Variants in TANC1 observed in about 807,000 individuals in gnomAD.
TANC1 encodes tetratricopeptide repeat, ankyrin repeat and coiled-coil containing 1.
Under a neutral mutation model 149.7 loss-of-function variants are expected in TANC1, and 77 were observed. That is an observed-to-expected ratio of 0.51 (90% CI 0.43 to 0.62). The LOEUF is 0.62. Among genes scored for constraint, TANC1 ranks in the 20% least tolerant of loss-of-function variants. The pLI, the probability that TANC1 is intolerant of heterozygous loss-of-function variation, is 0.00. For missense variants in TANC1, 1,985 were observed against 2,321.8 expected (o/e 0.85, Z 2.98); for synonymous variants, 854 against 925.0 (o/e 0.92, Z 1.39).
chr2:159,157,871 T>C (rs983927067), intron 7 of TANC1, among the ~76,000 whole-genome samples: 14 of 152,352 alleles, frequency 9.2e-5, no homozygotes, highest in African/African-American at 3.4e-4. Flanking sequence ...TGAGCATTCA[T>C]GATGCCTGAG....
At chr2:159,050,731 C>G (rs562204485) in intron 2 of TANC1, among the ~76,000 whole-genome samples, 1 of 152,260 alleles carries the variant, frequency 6.6e-6, no homozygotes, top group Non-Finnish European at 1.5e-5. Flanking sequence ...TCTGCCATTG[C>G]TTTTGTGGTT....
At chr2:158,979,087 T>G (rs1298925929) in intron 1 of TANC1, among the ~76,000 whole-genome samples, 1 of 152,226 alleles carries the variant, frequency 6.6e-6, no homozygotes, top group African/African-American at 2.4e-5. Context: ...CAGATATTAC[T>G]TAAAATCTTG....
rs1332334560 is a variant in TANC1 at position 159,230,485 on chromosome 2, A to C, written c.5059A>C (p.Ser1687Arg). ...AACCAGTAGTTTGACTTCGAGCAGCAGTTTTTCAGATGGCTTCAAGGTCCA... is the reference window on the plus strand; with the variant it reads ...AACCAGTAGTTTGACTTCGAGCAGCCGTTTTTCAGATGGCTTCAAGGTCCA... ...SSTSSLTSSS[S>R]FSDGFKVQGP... is the part of the protein sequence containing the mutation. Residue 1687 changes from serine (S) to arginine (R), a missense_variant, in exon 27 of 27, where the codon AGT becomes CGT. Transcript: ENST00000263635. This position sits in a 1 kb window ranked among gnomAD's most constrained non-coding sequence, Gnocchi z 4.4. The C allele has an allele frequency of 7.4e-6, 12 of 1,614,096 alleles. No homozygotes were observed. The highest frequency in any genetic ancestry group is 9.3e-6 in the Non-Finnish European group (11 of 1,180,060).
chr2:159,102,243 T>G (rs2046794661), intron 4 of TANC1, among the ~76,000 whole-genome samples: 1 of 152,124 alleles, frequency 6.6e-6, no homozygotes, highest in Non-Finnish European at 1.5e-5. Flanking sequence ...TGAGACCACA[T>G]TATGTAACCC....
intron 2 of TANC1, among the ~76,000 whole-genome samples, chr2:159,049,858 T>C (rs2041341833): frequency 6.6e-6 from 1 of 152,130 alleles, no homozygotes; most frequent in African/African-American, 2.4e-5. Flanking sequence ...TGTTGAGGTA[T>C]GTGAGCCAGG....
intron 22 of TANC1, 110 bp downstream of exon 22, chr2:159,219,977 AGTGTGTGTGTGTGT>A (rs760037919): frequency 0.058 from 32,445 of 559,766 alleles, 564 homozygotes; most frequent in East Asian, 0.23. Context: ...GTCATCAGAG[AGTGTGTGTGTGTGT>A]GTGTGTGTGT....
At chr2:159,220,388 A>T (rs1183118335) in intron 22 of TANC1, among the ~76,000 whole-genome samples, 1 of 138,296 alleles carries the variant, frequency 7.2e-6, no homozygotes, top group African/African-American at 2.7e-5. Context: ...GCTCACTGCA[A>T]CTTCCGCCTC....
intron 2 of TANC1, among the ~76,000 whole-genome samples, chr2:159,053,331 T>C (rs2041612953): frequency 1.3e-5 from 2 of 152,166 alleles, no homozygotes; most frequent in African/African-American, 4.8e-5. Context: ...ATATGCCCTT[T>C]CTCACAGGCT....
intron 15 of TANC1, among the ~76,000 whole-genome samples, chr2:159,186,262 A>AT (rs1226659556): frequency 1.3e-5 from 2 of 151,662 alleles, no homozygotes; most frequent in Admixed American, 1.3e-4. Context: ...GACCTGTGTG[A>AT]TTTTGTACCA....
chr2:159,217,723 T>C (rs1440314214), intron 20 of TANC1, 93 bp downstream of exon 20: 18 of 1,470,494 alleles, frequency 1.2e-5, no homozygotes, highest in Admixed American at 3.7e-5. Context: ...GCAGCTCCCC[T>C]GAGCCTGTCT....
At chr2:159,050,415 T>C (rs1456874342) in intron 2 of TANC1, among the ~76,000 whole-genome samples, 1 of 152,254 alleles carries the variant, frequency 6.6e-6, no homozygotes, top group Non-Finnish European at 1.5e-5. Context: ...AACCAGGTTA[T>C]CAGAACAGCG....
intron 19 of TANC1, among the ~76,000 whole-genome samples, chr2:159,200,388 G>C (rs563035427): frequency 6.6e-6 from 1 of 152,320 alleles, no homozygotes; most frequent in South Asian, 2.1e-4. Context: ...GAGCTGTCTA[G>C]AAAGCCTGAC....
intron 7 of TANC1, among the ~76,000 whole-genome samples, chr2:159,156,367 G>A (rs1402360650): frequency 1.3e-5 from 2 of 152,108 alleles, no homozygotes; most frequent in Non-Finnish European, 2.9e-5. Context: ...AGAAATTCTT[G>A]GCAATGATTT....
At chr2:159,176,907 A>ATTTTTTTTTTTTTTTTTTTTTTTTTT (rs10647127) in intron 13 of TANC1, among the ~76,000 whole-genome samples, 1 of 101,986 alleles carries the variant, frequency 9.8e-6, no homozygotes, top group Non-Finnish European at 1.8e-5. Context: ...AAGGTGAAAG[A>ATTTTTTTTTTTTTTTTTTTTTTTTTT]TTTTTTTTTT....
At chr2:159,214,124 CAAAAAA>C (rs33996292) in intron 19 of TANC1, among the ~76,000 whole-genome samples, 51 of 100,912 alleles carry the variant, frequency 5.1e-4, no homozygotes, top group South Asian at 8.5e-4. Context: ...GATCCTGTCT[CAAAAAA>C]AAAAAAAAAA....
At chr2:159,175,211 C>T in intron 12 of TANC1, 27 bp downstream of exon 12, 1 of 1,580,732 alleles carries the variant, frequency 6.3e-7, no homozygotes, top group South Asian at 1.1e-5. Context: ...ACCCACAGCC[C>T]CATCTCAGTA....
intron 5 of TANC1, 71 bp from the exon 6 acceptor site, chr2:159,149,071 G>T: frequency 6.7e-7 from 1 of 1,497,254 alleles, no homozygotes. Context: ...CAGCTGTAGT[G>T]TGAACTCATC....
At chr2:159,104,992 T>C (rs2047022997) in intron 4 of TANC1, among the ~76,000 whole-genome samples, 1 of 16,770 alleles carries the variant, frequency 6.0e-5, no homozygotes, top group Non-Finnish European at 1.3e-4. Flanking sequence ...TTTTTTTTTT[T>C]TTTTTTTTTT....
intron 4 of TANC1, among the ~76,000 whole-genome samples, chr2:159,101,530 A>G (rs2046710406): frequency 3.4e-5 from 5 of 147,424 alleles, no homozygotes. Context: ...TTTTTTTTTC[A>G]TTGTTAGAAG....
Sources: allele counts gnomAD v4.1 joint callset (sites outside exome capture counted in the v4.1 genomes callset), GRCh38; gene constraint gnomAD v4.1.1; non-coding constraint Gnocchi (gnomAD v3.1); transcripts MANE v1.5; gene names NCBI Gene and HGNC (gene_info 2026-07-23, HGNC 2026-07-21).